Variants in OR2C1 observed in about 807,000 individuals in gnomAD.
OR2C1 encodes the protein olfactory receptor family 2 subfamily C member 1, also known as olfactory receptor 2C1.
For synonymous variants in OR2C1, 209 were observed against 167.3 expected, an observed-to-expected ratio of 1.25 and a Z score of -1.92; for missense variants, 468 against 388.3, an observed-to-expected ratio of 1.21 and a Z score of -1.73.
chr16:3,348,342 T>C, the OR2C1 span, among the ~76,000 whole-genome samples: 2 of 152,212 alleles, frequency 1.3e-5, no homozygotes, highest in Non-Finnish European at 2.9e-5. Context: ...CCCCTACTGA[T>C]AGACAATGAG....
upstream of OR2C1, among the ~76,000 whole-genome samples, chr16:3,355,512 T>C (rs2030650269): frequency 7.0e-6 from 1 of 143,320 alleles, no homozygotes; most frequent in Non-Finnish European, 1.5e-5. Flanking sequence ...CCAGGTGCAG[T>C]GGTTCATGCC....
the OR2C1 span, among the ~76,000 whole-genome samples, chr16:3,329,557 C>G: frequency 6.6e-6 from 1 of 151,482 alleles, no homozygotes; most frequent in South Asian, 2.1e-4. Flanking sequence ...TCATGCCATT[C>G]TCCTGCCTCA....
At chr16:3,343,302 G>A in the OR2C1 span, among the ~76,000 whole-genome samples, 107 of 152,274 alleles carry the variant, frequency 7.0e-4, no homozygotes, top group African/African-American at 2.6e-3. Context: ...GTCTTTCTGT[G>A]TTGCCCAGGC....
the OR2C1 span, among the ~76,000 whole-genome samples, chr16:3,327,067 AATAAT>A: frequency 6.6e-6 from 1 of 152,202 alleles, no homozygotes; most frequent in Non-Finnish European, 1.5e-5. Context: ...ACTGATTTAA[AATAAT>A]ATATATAGGA....
the OR2C1 span, among the ~76,000 whole-genome samples, chr16:3,334,177 C>T: frequency 6.6e-6 from 1 of 150,542 alleles, no homozygotes; most frequent in Admixed American, 6.6e-5. Context: ...ATCACTCTCT[C>T]CCCAGGCTGA....
At chr16:3,325,467 A>C in the OR2C1 span, among the ~76,000 whole-genome samples, 316 of 13,648 alleles carry the variant, frequency 0.023, 4 homozygotes, top group African/African-American at 0.083. Flanking sequence ...AAAAATATAT[A>C]TATATATATA....
Position 3,356,643 on chromosome 16 carries a change from C to A in OR2C1, c.703C>A (p.Arg235=). 2 of 1,614,040 alleles carry A rather than the reference C, an allele frequency of 1.2e-6. No individual in the cohort carries two copies. Among genetic ancestry groups the A allele is most frequent in the Non-Finnish European group, 1.7e-6 (2 of 1,179,994 alleles). ...VLKIRSAEGR[R]KAFNTCLSHL... ...GAAAATCCGCTCTGCAGAGGGGAGG[C>A]GAAAGGCGTTCAATACGTGCCTCTC... The change falls in exon 1 of 1, where the codon CGA becomes AGA. Residue 235 remains arginine (R), a synonymous_variant. Transcript: ENST00000304936.
Position 3,356,971 on chromosome 16 carries a change from T to C in OR2C1, c.*92T>C. ...CCAGGTGAACATGAGGAATACTAAT[T>C]CCGGTAAAACCAAGGCATGTTCCTG... On this transcript the variant is annotated 3_prime_UTR_variant, in exon 1 of 1. Transcript: ENST00000304936. 1.7e-6 allele frequency: 2 copies of C among 1,162,714 alleles called. No individual in the cohort carries two copies. The highest frequency in any genetic ancestry group is 2.4e-6 in the Non-Finnish European group (2 of 834,332). The allele number at this position is 1,162,714 out of a possible 1,614,324, so 72.0% of individuals were successfully genotyped here. A position where few individuals can be genotyped will look rare whatever the true frequency, so the allele number is the denominator to read the frequency against.
At chr16:3,332,191 C>T in the OR2C1 span, among the ~76,000 whole-genome samples, 3 of 151,508 alleles carry the variant, frequency 2.0e-5, no homozygotes, top group Non-Finnish European at 4.4e-5. Context: ...CTAACCTGCA[C>T]ATTGTGCACA....
At chr16:3,353,420 GGTGGAGGTT>G (rs2030605163), upstream of OR2C1, among the ~76,000 whole-genome samples, 2 of 149,834 alleles carry the variant, frequency 1.3e-5, no homozygotes, top group African/African-American at 4.9e-5. Context: ...GAACTCAGGA[GGTGGAGGTT>G]GCAGTGAGCC....
At chr16:3,343,869 G>A in the OR2C1 span, among the ~76,000 whole-genome samples, 1 of 152,250 alleles carries the variant, frequency 6.6e-6, no homozygotes, top group South Asian at 2.1e-4. Flanking sequence ...ACCAAATTAG[G>A]GGGAAATATT....
the OR2C1 span, among the ~76,000 whole-genome samples, chr16:3,327,038 A>G: frequency 6.6e-6 from 1 of 152,204 alleles, no homozygotes; most frequent in South Asian, 2.1e-4. Flanking sequence ...AATAATTCTA[A>G]TAAATACATA....
At chr16:3,340,287 AGAG>A in the OR2C1 span, among the ~76,000 whole-genome samples, 2 of 146,462 alleles carry the variant, frequency 1.4e-5, no homozygotes, top group African/African-American at 5.0e-5. Flanking sequence ...TCAAAAAAAA[AGAG>A]AGAGAAAGAA....
At chr16:3,343,049 G>A in the OR2C1 span, among the ~76,000 whole-genome samples, 1 of 152,108 alleles carries the variant, frequency 6.6e-6, no homozygotes, top group African/African-American at 2.4e-5. Flanking sequence ...AAATAAAATA[G>A]ATGAATGGTA....
the OR2C1 span, among the ~76,000 whole-genome samples, chr16:3,347,797 C>T: frequency 1.3e-5 from 2 of 151,220 alleles, no homozygotes. Flanking sequence ...CACACACATG[C>T]ACACACGCAC....
the OR2C1 span, among the ~76,000 whole-genome samples, chr16:3,330,829 A>G: frequency 6.6e-6 from 1 of 152,052 alleles, no homozygotes; most frequent in Non-Finnish European, 1.5e-5. Context: ...GCCATTTCAA[A>G]TTCCTGGGCT....
chr16:3,326,797 C>G, the OR2C1 span, among the ~76,000 whole-genome samples: 1 of 152,190 alleles, frequency 6.6e-6, no homozygotes, highest in Non-Finnish European at 1.5e-5. Context: ...AACCCAGTAG[C>G]TGTTCACAAT....
the OR2C1 span, among the ~76,000 whole-genome samples, chr16:3,329,794 G>A: frequency 1.9e-5 from 2 of 105,050 alleles, no homozygotes; most frequent in South Asian, 3.1e-4. Context: ...TCACTCTGTT[G>A]CCCAGGCTGG....
At chr16:3,342,219 C>A in the OR2C1 span, among the ~76,000 whole-genome samples, 1 of 152,070 alleles carries the variant, frequency 6.6e-6, no homozygotes, top group Non-Finnish European at 1.5e-5. Flanking sequence ...CCACTGCACT[C>A]CAGCCTGGGC....
Sources: gnomAD v4.1 joint callset for allele counts (sites outside exome capture counted in the v4.1 genomes callset) on GRCh38, gnomAD v4.1.1 for gene constraint, MANE v1.5 for transcripts, NCBI Gene and HGNC (gene_info 2026-07-23, HGNC 2026-07-21) for gene names.